The following ABHD17B variants were observed in gnomAD, a reference collection of about 807,000 sequenced individuals.
ABHD17B encodes abhydrolase domain containing 17B, depalmitoylase, also known as alpha/beta hydrolase domain-containing protein 17B.
In ABHD17B, 9 loss-of-function variants were observed where a neutral mutation model predicts 26.2. The observed-to-expected ratio is 0.34, with a 90% CI of 0.21 to 0.60. The LOEUF (loss-of-function observed/expected upper bound fraction) is 0.60. ABHD17B is among the 20% of genes least tolerant of loss of function. The pLI is 0.80. For missense variants in ABHD17B, 224 were observed against 352.1 expected, an observed-to-expected ratio of 0.64 and a Z score of 2.91; for synonymous variants, 127 against 122.3, an observed-to-expected ratio of 1.04 and a Z score of -0.25.
chr9:71,869,767 A>G lies in ABHD17B; in HGVS notation c.647+316T>C, dbSNP rs139147015. Reference sequence around the variant, plus strand: ...TCATGTTCAAGTTTTTCTCTTTAGCATCCTACACCCAGTCTGATACTCAGT... The same window carrying G: ...TCATGTTCAAGTTTTTCTCTTTAGCGTCCTACACCCAGTCTGATACTCAGT... On this transcript the variant is annotated intron_variant, in intron 3 of 3. Transcript: ENST00000333421. 1.9e-3 allele frequency among the ~76,000 whole-genome samples: 294 copies of G among 152,208 alleles called. 1 individual carries two copies. The highest frequency in any genetic ancestry group is 6.8e-3 in the African/African-American group (283 of 41,524).
intron 1 of ABHD17B, among the ~76,000 whole-genome samples, chr9:71,879,493 A>C (rs938495389): frequency 3.3e-5 from 5 of 152,230 alleles, no homozygotes; most frequent in African/African-American, 1.2e-4. Context: ...AGTCAGATAT[A>C]ATCATCAGAA....
chr9:71,886,861 G>A (rs776026159), intron 1 of ABHD17B, among the ~76,000 whole-genome samples: 1 of 151,824 alleles, frequency 6.6e-6, no homozygotes, highest in Non-Finnish European at 1.5e-5. Flanking sequence ...TTTTAAACTC[G>A]GAGAAAAAAT....
At chr9:71,896,195 A>G (rs1339673461) in intron 1 of ABHD17B, among the ~76,000 whole-genome samples, 1 of 152,192 alleles carries the variant, frequency 6.6e-6, no homozygotes, top group Admixed American at 6.5e-5. Context: ...ATCTACTCAT[A>G]TCTTGATTCA....
chr9:71,890,579 C>A (rs888422346), intron 1 of ABHD17B, among the ~76,000 whole-genome samples: 1 of 152,144 alleles, frequency 6.6e-6, no homozygotes, highest in African/African-American at 2.4e-5. Flanking sequence ...AAAGTACTTA[C>A]AGTGTCATTC....
In ABHD17B at chr9:71,905,772, C is replaced by T. The variant is rs1358066223; in HGVS notation, c.-4+4862G>A. ...GGGCGCAGTGGCTCACACCTATAAT[C>T]CCAGCACTTTTGGAGGGGGCAGGTG... On this transcript the variant is annotated intron_variant, in intron 1 of 3. Transcript: ENST00000333421. Among the ~76,000 whole-genome samples, 4 of 152,286 alleles carry T rather than the reference C, an allele frequency of 2.6e-5. No individual in the cohort carries two copies. In the South Asian group the frequency reaches 6.2e-4, roughly 24 times the overall value.
intron 1 of ABHD17B, among the ~76,000 whole-genome samples, chr9:71,898,397 C>T (rs546914694): frequency 2.7e-5 from 4 of 150,900 alleles, no homozygotes; most frequent in South Asian, 2.1e-4. Flanking sequence ...TTTGGGAGGC[C>T]GAGGTGGGCA....
intron 1 of ABHD17B, among the ~76,000 whole-genome samples, chr9:71,892,791 T>TA (rs372755622): frequency 6.6e-6 from 1 of 151,472 alleles, no homozygotes; most frequent in Admixed American, 6.6e-5. Context: ...TTGTGTTTTT[T>TA]AAATTATGGT....
intron 1 of ABHD17B, among the ~76,000 whole-genome samples, chr9:71,902,961 G>A (rs1827186346): frequency 2.6e-5 from 4 of 152,090 alleles, no homozygotes; most frequent in Admixed American, 2.0e-4. Flanking sequence ...CAAGTTTCTT[G>A]TGATTGGAAT....
chr9:71,873,005 T>G (rs114917884), intron 2 of ABHD17B, among the ~76,000 whole-genome samples: 117 of 151,962 alleles, frequency 7.7e-4, no homozygotes, highest in African/African-American at 2.7e-3. Context: ...AAAGATATTT[T>G]TAATATCTTT....
At chr9:71,884,450 T>C (rs1826544614) in intron 1 of ABHD17B, among the ~76,000 whole-genome samples, 1 of 152,110 alleles carries the variant, frequency 6.6e-6, no homozygotes, top group Non-Finnish European at 1.5e-5. Context: ...AAGCAAAGAC[T>C]GATGACTAGG....
chr9:71,888,312 A>T (rs1826672006), intron 1 of ABHD17B, among the ~76,000 whole-genome samples: 1 of 152,234 alleles, frequency 6.6e-6, no homozygotes, highest in East Asian at 1.9e-4. Context: ...ATGAACAGAC[A>T]CATGTTTTCT....
chr9:71,874,362 T>C (rs1043018196), intron 2 of ABHD17B, among the ~76,000 whole-genome samples: 7 of 151,978 alleles, frequency 4.6e-5, no homozygotes, highest in African/African-American at 1.7e-4. Flanking sequence ...AGAATTTAAG[T>C]TAAAAAAAAC....
chr9:71,901,157 A>G (rs1029136574), intron 1 of ABHD17B, among the ~76,000 whole-genome samples: 2 of 151,466 alleles, frequency 1.3e-5, no homozygotes, highest in African/African-American at 4.9e-5. Context: ...GTCTCAAAAT[A>G]AATAAATAAA....
At chr9:71,901,738 A>G (rs1012213019) in intron 1 of ABHD17B, among the ~76,000 whole-genome samples, 3 of 152,076 alleles carry the variant, frequency 2.0e-5, no homozygotes, top group African/African-American at 4.8e-5. Context: ...ATCAAGGTCT[A>G]CTTCCTATGG....
intron 1 of ABHD17B, among the ~76,000 whole-genome samples, chr9:71,907,738 C>T (rs1381961961): frequency 6.6e-6 from 1 of 152,060 alleles, no homozygotes; most frequent in Non-Finnish European, 1.5e-5. Flanking sequence ...CTCTAACTCC[C>T]GACCCCAGGT....
intron 2 of ABHD17B, among the ~76,000 whole-genome samples, chr9:71,870,622 TA>T (rs111643111): frequency 4.6e-5 from 7 of 152,312 alleles, no homozygotes; most frequent in African/African-American, 1.7e-4. Context: ...GTTGAATGAA[TA>T]GGTCATATTT....
At chr9:71,880,786 T>C (rs753385292) in intron 1 of ABHD17B, among the ~76,000 whole-genome samples, 1 of 151,840 alleles carries the variant, frequency 6.6e-6, no homozygotes, top group Admixed American at 6.6e-5. Context: ...AATAAGAACA[T>C]TAAAAAATGG....
chr9:71,869,483 C>T (rs1338194525), intron 3 of ABHD17B, among the ~76,000 whole-genome samples: 1 of 152,128 alleles, frequency 6.6e-6, no homozygotes, highest in Non-Finnish European at 1.5e-5. Flanking sequence ...GTGGGAACTA[C>T]CTCCTGTCTT....
intron 1 of ABHD17B, among the ~76,000 whole-genome samples, chr9:71,900,195 GAAT>G (rs1221330062): frequency 6.6e-6 from 1 of 152,256 alleles, no homozygotes. Flanking sequence ...GGGTTATATA[GAAT>G]AAGAAAACAG....
Sources: gnomAD v4.1 joint callset for allele counts (sites outside exome capture counted in the v4.1 genomes callset) on GRCh38, gnomAD v4.1.1 for gene constraint, MANE v1.5 for transcripts, NCBI Gene and HGNC (gene_info 2026-07-23, HGNC 2026-07-21) for gene names.